The following ZC3H3 variants were observed in gnomAD, a reference collection of about 807,000 sequenced individuals.
ZC3H3 encodes the protein zinc finger CCCH domain-containing protein 3.
In ZC3H3, 36 loss-of-function variants were observed where a neutral mutation model predicts 77.3. The observed-to-expected ratio is 0.47, with a 90% CI of 0.36 to 0.61. ZC3H3 has a LOEUF of 0.61. Among genes scored for constraint, ZC3H3 ranks in the 20% least tolerant of loss-of-function variants. The pLI is 0.00. For missense variants in ZC3H3, 1,331 were observed against 1,312.2 expected, an observed-to-expected ratio of 1.01 and a Z score of -0.22; for synonymous variants, 626 against 555.2, an observed-to-expected ratio of 1.13 and a Z score of -1.79.
chr8:143,476,918 C>T (rs1444108693), intron 4 of ZC3H3, among the ~76,000 whole-genome samples: 2 of 152,234 alleles, frequency 1.3e-5, no homozygotes, highest in African/African-American at 2.4e-5. Flanking sequence ...GGGTGGGGTG[C>T]CCCCTAGACC....
chr8:143,514,403 G>A (rs543882540), intron 3 of ZC3H3, among the ~76,000 whole-genome samples: 7 of 152,276 alleles, frequency 4.6e-5, no homozygotes, highest in African/African-American at 1.7e-4. Context: ...GGAGCCATTG[G>A]CCCACCCAGG....
intron 4 of ZC3H3, among the ~76,000 whole-genome samples, chr8:143,490,168 C>A (rs1821162874): frequency 6.6e-6 from 1 of 152,332 alleles, no homozygotes; most frequent in South Asian, 2.1e-4. Context: ...GCCTCCCCAG[C>A]AGGTGGGTGG....
At chr8:143,451,230 G>A (rs141718236) in intron 9 of ZC3H3, among the ~76,000 whole-genome samples, 54 of 152,208 alleles carry the variant, frequency 3.5e-4, no homozygotes, top group Non-Finnish European at 6.8e-4. Context: ...TAAAGCAGGA[G>A]GGAAATAATA....
intron 8 of ZC3H3, among the ~76,000 whole-genome samples, chr8:143,466,843 C>G (rs1023844688): frequency 2.0e-5 from 3 of 152,320 alleles, no homozygotes; most frequent in East Asian, 3.9e-4. Context: ...GTCCCCCTCC[C>G]CTTCCCAGCC....
chr8:143,516,803 C>T (rs769657601), intron 3 of ZC3H3, among the ~76,000 whole-genome samples: 2 of 152,192 alleles, frequency 1.3e-5, no homozygotes, highest in Non-Finnish European at 2.9e-5. Flanking sequence ...GACGCAGCCC[C>T]GTGGGATCCG....
chr8:143,454,942 G>A (rs764586658), intron 9 of ZC3H3, among the ~76,000 whole-genome samples: 18 of 152,134 alleles, frequency 1.2e-4, no homozygotes, highest in Non-Finnish European at 2.2e-4. Context: ...AAGTGCAACA[G>A]TAGTGATGCT....
chr8:143,451,483 C>A (rs1472004963), intron 9 of ZC3H3, among the ~76,000 whole-genome samples: 3 of 152,158 alleles, frequency 2.0e-5, no homozygotes, highest in Non-Finnish European at 1.5e-5. Context: ...AACGGATCCA[C>A]TTCTGGGGGA....
intron 4 of ZC3H3, among the ~76,000 whole-genome samples, chr8:143,502,238 C>T (rs1260182874): frequency 1.3e-5 from 2 of 152,264 alleles, no homozygotes; most frequent in East Asian, 1.9e-4. Context: ...CTGTGTGACA[C>T]GGCCCCAGCC....
intron 11 of ZC3H3, 55 bp downstream of exon 11, chr8:143,439,986 C>T (rs1185598174): frequency 3.0e-5 from 43 of 1,436,294 alleles, no homozygotes; most frequent in Non-Finnish European, 3.4e-5. Context: ...GTGCTGCCTA[C>T]CTGAATCCTT....
intron 5 of ZC3H3, among the ~76,000 whole-genome samples, chr8:143,471,076 C>T (rs531560227): frequency 2.4e-3 from 363 of 152,312 alleles, no homozygotes; most frequent in Non-Finnish European, 3.9e-3. Context: ...ACCTCCAGGC[C>T]CTGCTCCGGC....
intron 3 of ZC3H3, among the ~76,000 whole-genome samples, chr8:143,515,166 C>G (rs1821993849): frequency 6.6e-6 from 1 of 152,236 alleles, no homozygotes; most frequent in African/African-American, 2.4e-5. Context: ...GCTCCCCGAT[C>G]CGGAAGCCCA....
chr8:143,505,994 C>T (rs772173900), intron 4 of ZC3H3, among the ~76,000 whole-genome samples: 2 of 152,256 alleles, frequency 1.3e-5, no homozygotes, highest in Admixed American at 6.5e-5. Context: ...TATCAGCTGA[C>T]CCGCTGCTCT....
Position 143,440,361 on chromosome 8 carries a change from T to C in ZC3H3, c.2495A>G (p.Lys832Arg). The change falls in exon 11 of 12, where the codon AAG (lysine) becomes AGG (arginine). Residue 832 changes from lysine to arginine, a missense_variant and splice_region_variant. By Grantham distance (26) the Lys-to-Arg change is conservative. Around this residue, in one of 3 missense-constraint regions of ZC3H3, gnomAD observed 249 missense variants for 236.9 expected, o/e 1.05. Transcript: ENST00000262577. ...SRVSASHGPR[K>R]PSASQRPTRQ... The stretch of plus-strand genomic sequence containing the variant: ...GGTGGGGCGCTGGGATGCTGAAGGC[T>C]TCCTGCAGGGAAGGAAGGGGCAGAC... The C allele has an allele frequency of 6.6e-7, 1 of 1,522,084 alleles. No individual in the cohort carries two copies. The highest frequency in any genetic ancestry group is 8.8e-7 in the Non-Finnish European group (1 of 1,133,520). 94.3% of individuals were successfully genotyped at this position (1,522,084 alleles called of 1,614,324 possible).
intron 4 of ZC3H3, among the ~76,000 whole-genome samples, chr8:143,500,883 C>T (rs1295418439): frequency 1.3e-5 from 2 of 148,646 alleles, no homozygotes; most frequent in Admixed American, 6.7e-5. Context: ...GCGCCATCTT[C>T]GCTCACTGCA....
At chr8:143,489,419 TG>T (rs1221793679) in intron 4 of ZC3H3, among the ~76,000 whole-genome samples, 1 of 152,090 alleles carries the variant, frequency 6.6e-6, no homozygotes, top group Non-Finnish European at 1.5e-5. Flanking sequence ...AGCCAACCTT[TG>T]GGGGGATGCG....
chr8:143,489,481 C>T (rs902517346), intron 4 of ZC3H3, among the ~76,000 whole-genome samples: 1 of 152,148 alleles, frequency 6.6e-6, no homozygotes, highest in African/African-American at 2.4e-5. Flanking sequence ...CGCCTGGCCC[C>T]GCCCACCGCC....
chr8:143,480,163 T>C (rs1182461135), intron 4 of ZC3H3, among the ~76,000 whole-genome samples: 1 of 152,166 alleles, frequency 6.6e-6, no homozygotes, highest in Non-Finnish European at 1.5e-5. Context: ...AGGACTTCAG[T>C]GGTGCTGGGG....
At chr8:143,473,507 G>A (rs563377459) in intron 5 of ZC3H3, among the ~76,000 whole-genome samples, 6 of 152,332 alleles carry the variant, frequency 3.9e-5, no homozygotes, top group East Asian at 3.9e-4. Context: ...CAGGCAGGCA[G>A]GTGAGGGCTC....
At chr8:143,526,105 T>C (rs953462410) in intron 3 of ZC3H3, among the ~76,000 whole-genome samples, 3 of 152,252 alleles carry the variant, frequency 2.0e-5, no homozygotes, top group Non-Finnish European at 1.5e-5. Context: ...TGCAGGCTGC[T>C]GCCCCAGTGG....
Sources: allele counts gnomAD v4.1 joint callset (sites outside exome capture counted in the v4.1 genomes callset), GRCh38; gene constraint gnomAD v4.1.1; regional missense constraint gnomAD v4.1.1; transcripts MANE v1.5; gene names NCBI Gene and HGNC (gene_info 2026-07-23, HGNC 2026-07-21).